Variants in WDHD1 observed in about 807,000 individuals in gnomAD.
WDHD1 encodes WD repeat and HMG-box DNA-binding protein 1.
WDHD1 carries 111 observed loss-of-function variants against 135.4 expected under a neutral mutation model. That is an observed-to-expected ratio of 0.82 (90% CI 0.70 to 0.96). The LOEUF is 0.96. WDHD1 is among the 40% of genes least tolerant of loss of function. The pLI, the probability that WDHD1 is intolerant of heterozygous loss-of-function variation, is 0.00. For missense variants in WDHD1, 1,351 were observed against 1,336.3 expected, an observed-to-expected ratio of 1.01 and a Z score of -0.17; for synonymous variants, 434 against 439.0, an observed-to-expected ratio of 0.99 and a Z score of 0.14.
intron 16 of WDHD1, among the ~76,000 whole-genome samples, chr14:54,973,907 G>T (rs1182840034): frequency 2.0e-5 from 3 of 152,006 alleles, no homozygotes; most frequent in Admixed American, 2.0e-4. Flanking sequence ...GCACCAATTC[G>T]CATTTTTTTA....
intron 2 of WDHD1, among the ~76,000 whole-genome samples, chr14:55,020,778 C>G (rs56282786): frequency 0.19 from 29,196 of 152,118 alleles, 2,855 homozygotes; most frequent in Admixed American, 0.22. Context: ...TTACTAACAG[C>G]CTACTGTTGA....
chr14:54,987,369 G>A lies in WDHD1; in HGVS notation c.1545C>T (p.His515=). The A allele has an allele frequency of 6.2e-7, 1 of 1,613,032 alleles. No individual in the cohort carries two copies. Among genetic ancestry groups the A allele is most frequent in the Non-Finnish European group, 8.5e-7 (1 of 1,179,698 alleles). ...DELASKLHCL[H]FSSWDSSKEW... ...CTTTGCTTGAATCCCAAGAACTAAA[G>A]TGCAGGCAGTGAAGCTTGCTAAAAA... The change falls in exon 14 of 26, where the codon CAC becomes CAT. Residue 515 remains histidine (H), a synonymous_variant. Transcript: ENST00000360586.
At chr14:54,972,276 CCA>C (rs1566719355) in intron 16 of WDHD1, among the ~76,000 whole-genome samples, 10 of 87,370 alleles carry the variant, frequency 1.1e-4, no homozygotes, top group Admixed American at 1.1e-4. Flanking sequence ...CTCGGTCTCA[CCA>C]AAAAAAAAAA....
rs141132123 is a variant in WDHD1 at position 55,005,202 on chromosome 14, A to T, written c.600+2078T>A. The T allele has an allele frequency of 6.3e-5, 34 of 540,330 alleles. No individual in the cohort carries two copies. In the East Asian group the frequency reaches 1.6e-3, roughly 26 times the overall value. 33.5% of individuals were successfully genotyped at this position (540,330 alleles called of 1,614,324 possible). A position where few individuals can be genotyped will look rare whatever the true frequency, so the allele number is the denominator to read the frequency against. ...ACTGAGTGAGCTCCCTTGCTGTTGCATGGGATGGTAGTGTCCACATAGCAC... is the reference window on the plus strand; with the variant it reads ...ACTGAGTGAGCTCCCTTGCTGTTGCTTGGGATGGTAGTGTCCACATAGCAC... On this transcript the variant is annotated intron_variant, in intron 7 of 25. Coordinates refer to ENST00000360586, the MANE Select transcript of WDHD1 (RefSeq NM_007086.4).
rs149869285 is a variant in WDHD1, at chr14:54,953,764, C to T, written c.3050+1797G>A. Among the ~76,000 whole-genome samples, 130 of 152,230 alleles carry T rather than the reference C, an allele frequency of 8.5e-4. No homozygotes were observed. In the East Asian group the frequency reaches 8.7e-3, roughly 10 times the overall value. ...TAGACTAGATTAAGAAAATGTGGCA[C>T]ATATACACCATGGAATACTATACAG... On this transcript the variant is annotated intron_variant, in intron 24 of 25. Transcript: ENST00000360586.
chr14:55,022,432 AT>A (rs201994301), intron 2 of WDHD1, among the ~76,000 whole-genome samples: 2 of 151,992 alleles, frequency 1.3e-5, no homozygotes, highest in Non-Finnish European at 2.9e-5. Context: ...TCTTTGTGGC[AT>A]TTTTCCCCCC....
chr14:54,992,653 G>C (rs983949162), intron 11 of WDHD1, among the ~76,000 whole-genome samples: 1 of 152,124 alleles, frequency 6.6e-6, no homozygotes, highest in Admixed American at 6.6e-5. Flanking sequence ...TGTGACTCAC[G>C]CTTGTAATTG....
At chr14:54,966,356 A>AAC (rs1389333985) in intron 18 of WDHD1, 119 bp downstream of exon 18, 84 of 1,215,410 alleles carry the variant, frequency 6.9e-5, no homozygotes, top group African/African-American at 1.3e-4. Context: ...CAACAACAAC[A>AAC]AAAAAAAACT....
chr14:54,967,689 C>T (rs535830387), intron 16 of WDHD1, among the ~76,000 whole-genome samples: 36 of 152,132 alleles, frequency 2.4e-4, no homozygotes, highest in African/African-American at 5.5e-4. Flanking sequence ...GGTGTGATCA[C>T]GGCTCACTGA....
intron 15 of WDHD1, among the ~76,000 whole-genome samples, chr14:54,983,441 G>T (rs2041649641): frequency 6.6e-6 from 1 of 152,046 alleles, no homozygotes; most frequent in Admixed American, 6.5e-5. Context: ...AGGAGGTCGA[G>T]GCGGGTGGAT....
intron 25 of WDHD1, among the ~76,000 whole-genome samples, chr14:54,942,244 G>A (rs1029306012): frequency 2.1e-5 from 3 of 143,492 alleles, no homozygotes; most frequent in South Asian, 2.2e-4. Context: ...GCAAGACTCC[G>A]TCTCAAAAAA....
chr14:54,961,538 T>G (rs145725165), intron 21 of WDHD1, among the ~76,000 whole-genome samples: 270 of 152,260 alleles, frequency 1.8e-3, no homozygotes, highest in Middle Eastern at 6.8e-3. Flanking sequence ...CATGCACCTT[T>G]GCCTTGCTGA....
rs145387488 is a variant in WDHD1 at position 54,965,985 on chromosome 14, G to A, written c.2310+490C>T. On this transcript the variant is annotated intron_variant, in intron 18 of 25. Transcript: ENST00000360586. ...AAAAAAAAAGAAAAAAATTTTAACTGCAAGACCAACTAGAAGATAGAACTT... is the reference window on the plus strand; with the variant it reads ...AAAAAAAAAGAAAAAAATTTTAACTACAAGACCAACTAGAAGATAGAACTT... 3.9e-3 allele frequency among the ~76,000 whole-genome samples: 593 copies of A among 150,652 alleles called. 3 individuals are homozygous for A. Among genetic ancestry groups the A allele is most frequent in the African/African-American group, 0.014 (561 of 41,018 alleles).
intron 8 of WDHD1, 41 bp downstream of exon 8, chr14:55,002,052 C>T: frequency 7.1e-7 from 1 of 1,405,766 alleles, no homozygotes; most frequent in Admixed American, 2.1e-5. Flanking sequence ...GCATTAACTG[C>T]TCCTTATAGC....
In WDHD1 at chr14:55,000,555, A is replaced by G. The variant is rs1396159406; in HGVS notation, c.890T>C (p.Leu297Pro). 2 of 1,609,566 alleles carry G rather than the reference A, an allele frequency of 1.2e-6. No individual in the cohort carries two copies. The highest frequency in any genetic ancestry group is 1.7e-5 in the Admixed American group (1 of 59,476). Residue 297 changes from leucine to proline, a missense_variant, in exon 10 of 26, where the codon CTA becomes CCA. Coordinates refer to ENST00000360586, the MANE Select transcript of WDHD1 (RefSeq NM_007086.4). ...GTCACAAACATTCTCTAGAAGCCCTAGATTTCCTTCCGCATCAGTATACGA... is the reference window on the plus strand; with the variant it reads ...GTCACAAACATTCTCTAGAAGCCCTGGATTTCCTTCCGCATCAGTATACGA... ...RISYTDAEGNLGLLENVCDPS... is the reference protein window; with the variant it reads ...RISYTDAEGNPGLLENVCDPS...
At chr14:54,985,749 G>C (rs926213630) in intron 14 of WDHD1, among the ~76,000 whole-genome samples, 2 of 152,198 alleles carry the variant, frequency 1.3e-5, no homozygotes, top group Admixed American at 1.3e-4. Context: ...TGTATTAGCA[G>C]AAGAAATGAA....
intron 2 of WDHD1, among the ~76,000 whole-genome samples, chr14:55,021,057 A>C (rs1333363612): frequency 6.6e-6 from 1 of 152,100 alleles, no homozygotes; most frequent in East Asian, 1.9e-4. Flanking sequence ...GTAGAGGAGG[A>C]GGCAGGAGAG....
Position 54,961,598 on chromosome 14 carries a change from C to G in WDHD1, c.2701+900G>C, listed in dbSNP as rs1037887519. ...GCTGTAAACACTCCATGAGGCCTGC[C>G]TTGAAGTCCCTACCCATCCTCCACC... On this transcript the variant is annotated intron_variant, in intron 21 of 25. Coordinates refer to ENST00000360586, the MANE Select transcript of WDHD1 (RefSeq NM_007086.4). Among the ~76,000 whole-genome samples, 4 of 152,290 alleles carry G rather than the reference C, an allele frequency of 2.6e-5. No homozygotes were observed. The East Asian group carries it at 7.7e-4, about 29-fold the overall frequency.
At chr14:54,959,812 C>T (rs571674613) in intron 21 of WDHD1, among the ~76,000 whole-genome samples, 2 of 151,788 alleles carry the variant, frequency 1.3e-5, no homozygotes, top group Non-Finnish European at 2.9e-5. Context: ...AAAAAACAAA[C>T]AAAAAAACCT....
Sources: allele counts gnomAD v4.1 joint callset (sites outside exome capture counted in the v4.1 genomes callset), GRCh38; gene constraint gnomAD v4.1.1; transcripts MANE v1.5; gene names NCBI Gene and HGNC (gene_info 2026-07-23, HGNC 2026-07-21).